Variants in MTRF1 observed in about 807,000 individuals in gnomAD.
The protein encoded by MTRF1 is mitochondrial translation release factor 1.
Under a neutral mutation model 62.9 loss-of-function variants are expected in MTRF1, and 51 were observed. The ratio of observed to expected loss-of-function variants is 0.81; its 90% CI spans 0.65 to 1.02. MTRF1 has a LOEUF of 1.02. Among genes scored for constraint, MTRF1 ranks in the 50% least tolerant of loss-of-function variants. The probability of loss-of-function intolerance (pLI) is 0.00; values close to 1 mark genes in which losing one functional copy is unlikely to be tolerated. For synonymous variants in MTRF1, 158 were observed against 181.9 expected (o/e 0.87, Z 1.06); for missense variants, 446 against 530.0 (o/e 0.84, Z 1.56).
At chr13:41,230,230 G>A (rs577025516) in intron 7 of MTRF1, among the ~76,000 whole-genome samples, 10 of 152,080 alleles carry the variant, frequency 6.6e-5, no homozygotes, top group South Asian at 4.2e-4. Flanking sequence ...TTATTATTAC[G>A]GATGTTTTAT....
chr13:41,233,494 AT>A (rs1233381568), intron 7 of MTRF1, among the ~76,000 whole-genome samples: 1 of 152,232 alleles, frequency 6.6e-6, no homozygotes, highest in Admixed American at 6.5e-5. Context: ...GTATACCAAA[AT>A]TACCAATATT....
chr13:41,220,553 T>A, intron 9 of MTRF1: 6 of 1,281,084 alleles, frequency 4.7e-6, no homozygotes, highest in Non-Finnish European at 5.1e-6. Flanking sequence ...GAAGAAGTCA[T>A]AATGAGAATA....
At position 41,243,977 on chromosome 13, in the gene MTRF1, T is replaced by G. The variant is rs191707564; in HGVS notation, c.698-3544A>C. 1.7e-3 allele frequency among the ~76,000 whole-genome samples: 260 copies of G among 152,358 alleles called. 1 individual carries two copies. Among genetic ancestry groups the G allele is most frequent in the Non-Finnish European group, 2.3e-3 (155 of 68,036 alleles). ...ATACTGTCAGATCATACAGTCCTTATGTAACAAATTTATTCCCCTTAGCCC... is the reference window on the plus strand; with the variant it reads ...ATACTGTCAGATCATACAGTCCTTAGGTAACAAATTTATTCCCCTTAGCCC... On this transcript the variant is annotated intron_variant, in intron 5 of 9. Transcript: ENST00000379480.
chr13:41,242,153 G>A (rs570401724), intron 5 of MTRF1, among the ~76,000 whole-genome samples: 2 of 151,898 alleles, frequency 1.3e-5, no homozygotes, highest in South Asian at 4.2e-4. Flanking sequence ...ATACTGAACT[G>A]GTTCATTTTA....
At chr13:41,302,407 CCT>C in the MTRF1 span, among the ~76,000 whole-genome samples, 91,602 of 151,108 alleles carry the variant, frequency 0.61, 30,650 homozygotes, top group South Asian at 0.76. Flanking sequence ...GAGAGAGAGA[CCT>C]TTGTTCTCAG....
At chr13:41,271,091 A>ACACACCC in the MTRF1 span, among the ~76,000 whole-genome samples, 11 of 137,128 alleles carry the variant, frequency 8.0e-5, no homozygotes, top group African/African-American at 3.0e-4. Context: ...ACACACACAC[A>ACACACCC]CCCCATATAG....
At position 41,260,935 on chromosome 13, in the gene MTRF1, G is replaced by T; in HGVS notation, c.-8-20C>A. On this transcript the variant is annotated intron_variant, in intron 1 of 9. Transcript: ENST00000379480. The stretch of plus-strand genomic sequence containing the variant: ...CAGCATCTGAAATACAATAAACACA[G>T]TCTTTAAAAAAAAATCATCTCTAAA... 1 of 1,466,376 alleles carries T rather than the reference G, an allele frequency of 6.8e-7. No individual in the cohort carries two copies. The highest frequency in any genetic ancestry group is 9.0e-7 in the Non-Finnish European group (1 of 1,113,182). The allele number at this position is 1,466,376 out of a possible 1,614,324, so 90.8% of individuals were successfully genotyped here.
At chr13:41,231,312 G>A (rs1340755931) in intron 7 of MTRF1, among the ~76,000 whole-genome samples, 1 of 152,158 alleles carries the variant, frequency 6.6e-6, no homozygotes, top group Non-Finnish European at 1.5e-5. Context: ...GAGGAGCTAG[G>A]GCTAAATACA....
intron 9 of MTRF1, among the ~76,000 whole-genome samples, chr13:41,219,485 C>T (rs1476375246): frequency 1.3e-5 from 2 of 151,898 alleles, no homozygotes; most frequent in African/African-American, 4.8e-5. Flanking sequence ...CAGAGGCTAA[C>T]AGTCTAAGTA....
At chr13:41,277,727 TG>T in the MTRF1 span, among the ~76,000 whole-genome samples, 1 of 152,176 alleles carries the variant, frequency 6.6e-6, no homozygotes, top group Non-Finnish European at 1.5e-5. Context: ...TGGCCATTGG[TG>T]ACCAAATTAG....
At chr13:41,220,875 C>T (rs2033186204) in intron 9 of MTRF1, among the ~76,000 whole-genome samples, 1 of 152,110 alleles carries the variant, frequency 6.6e-6, no homozygotes, top group African/African-American at 2.4e-5. Flanking sequence ...GGAAGAAACT[C>T]ACTGGCTAGG....
At chr13:41,306,590 G>T in the MTRF1 span, among the ~76,000 whole-genome samples, 4 of 152,196 alleles carry the variant, frequency 2.6e-5, 1 homozygote, top group South Asian at 6.2e-4. Flanking sequence ...CGTATATGGG[G>T]TGGAGAAAAT....
intron 6 of MTRF1, chr13:41,235,839 A>G: frequency 1.0e-5 from 1 of 96,090 alleles, no homozygotes; most frequent in Non-Finnish European, 2.3e-5. Flanking sequence ...ACACAGACAC[A>G]GACACACACA....
the MTRF1 span, among the ~76,000 whole-genome samples, chr13:41,279,716 A>G: frequency 6.6e-6 from 1 of 152,186 alleles, no homozygotes; most frequent in Non-Finnish European, 1.5e-5. Flanking sequence ...TTTCCTTGCC[A>G]TACCTTGAAA....
At chr13:41,217,881 G>GT (rs1321296378) in intron 9 of MTRF1, among the ~76,000 whole-genome samples, 1 of 152,152 alleles carries the variant, frequency 6.6e-6, no homozygotes. Flanking sequence ...GTTTATGATA[G>GT]TTTTTTATTT....
the MTRF1 span, among the ~76,000 whole-genome samples, chr13:41,277,245 C>A: frequency 5.0e-4 from 76 of 152,170 alleles, no homozygotes; most frequent in African/African-American, 1.7e-3. Flanking sequence ...GATCCTCCCA[C>A]CTCAGCCTCC....
At chr13:41,283,449 T>C in the MTRF1 span, among the ~76,000 whole-genome samples, 1 of 152,140 alleles carries the variant, frequency 6.6e-6, no homozygotes, top group Non-Finnish European at 1.5e-5. Flanking sequence ...AATGTTCCAG[T>C]TAATTGTCAC....
chr13:41,265,005 G>C (rs1304702764), upstream of MTRF1, among the ~76,000 whole-genome samples: 1 of 152,200 alleles, frequency 6.6e-6, no homozygotes, highest in Non-Finnish European at 1.5e-5. Context: ...TAGGGGAAAA[G>C]TTTCAAAGGG....
chr13:41,253,232 C>G (rs1481384186), intron 3 of MTRF1, among the ~76,000 whole-genome samples: 1 of 152,176 alleles, frequency 6.6e-6, no homozygotes, highest in East Asian at 1.9e-4. Context: ...AATGGAGTTA[C>G]TTGTCAGTAT....
Sources: gnomAD v4.1 joint callset for allele counts (sites outside exome capture counted in the v4.1 genomes callset) on GRCh38, gnomAD v4.1.1 for gene constraint, MANE v1.5 for transcripts, NCBI Gene and HGNC (gene_info 2026-07-23, HGNC 2026-07-21) for gene names.